Variants in CCDC3 observed in about 807,000 individuals in gnomAD.
The protein encoded by CCDC3 is coiled-coil domain containing 3.
A neutral mutation model predicts 21.4 loss-of-function variants in CCDC3; 24 were observed. That is an observed-to-expected ratio of 1.12 (90% CI 0.81 to 1.58). CCDC3 has a LOEUF of 1.58. Ranked by LOEUF, CCDC3 falls within the 40% of genes most tolerant of loss-of-function variation. CCDC3 has a pLI of 0.00. For missense variants in CCDC3, 425 were observed against 360.9 expected, an observed-to-expected ratio of 1.18 and a Z score of -1.44; for synonymous variants, 186 against 166.0, an observed-to-expected ratio of 1.12 and a Z score of -0.93.
At chr10:12,944,514 T>C (rs763252018) in intron 2 of CCDC3, among the ~76,000 whole-genome samples, 1 of 152,240 alleles carries the variant, frequency 6.6e-6, no homozygotes, top group African/African-American at 2.4e-5. Flanking sequence ...ATTTCATCTA[T>C]TGATTTATGT....
At chr10:12,914,087 T>C (rs1200762998) in intron 2 of CCDC3, among the ~76,000 whole-genome samples, 1 of 152,228 alleles carries the variant, frequency 6.6e-6, no homozygotes, top group Non-Finnish European at 1.5e-5. Context: ...ATCAGAGTGA[T>C]GCCATGTACG....
intron 3 of CCDC3, among the ~76,000 whole-genome samples, chr10:13,081,254 G>T (rs775050632): frequency 4.6e-5 from 7 of 151,288 alleles, no homozygotes; most frequent in South Asian, 2.1e-4. Flanking sequence ...CAGTTTCTCA[G>T]AAATTATATA....
chr10:12,954,161 T>C (rs1415596627), intron 2 of CCDC3, among the ~76,000 whole-genome samples: 1 of 152,240 alleles, frequency 6.6e-6, no homozygotes, highest in African/African-American at 2.4e-5. Context: ...AGCTACAGGC[T>C]ATAGTCTACT....
upstream of CCDC3, among the ~76,000 whole-genome samples, chr10:13,006,592 C>T (rs777770201): frequency 6.6e-6 from 1 of 152,172 alleles, no homozygotes; most frequent in Non-Finnish European, 1.5e-5. Flanking sequence ...GTTCTAGGAG[C>T]TTCTGCTTAG....
intron 2 of CCDC3, among the ~76,000 whole-genome samples, chr10:12,921,173 G>A (rs753676456): frequency 2.6e-5 from 4 of 152,126 alleles, no homozygotes; most frequent in South Asian, 2.1e-4. Flanking sequence ...TCTCTTTTGC[G>A]AGCAGTCTGG....
At chr10:13,063,907 G>A (rs866263953) in intron 4 of CCDC3, among the ~76,000 whole-genome samples, 2 of 151,960 alleles carry the variant, frequency 1.3e-5, no homozygotes, top group Non-Finnish European at 2.9e-5. Flanking sequence ...TTCTTAGTGT[G>A]AGTCGTTTTT....
intron 2 of CCDC3, among the ~76,000 whole-genome samples, chr10:12,915,506 G>A (rs913042071): frequency 7.2e-5 from 11 of 152,220 alleles, no homozygotes; most frequent in African/African-American, 2.4e-4. Context: ...TCAGTTACTG[G>A]TGCTTTATTT....
intron 2 of CCDC3, among the ~76,000 whole-genome samples, chr10:12,972,902 T>C (rs1350859253): frequency 6.6e-6 from 1 of 152,208 alleles, no homozygotes; most frequent in African/African-American, 2.4e-5. Flanking sequence ...AGTGATGTAG[T>C]AGAAAGAACT....
chr10:12,905,454 A>G (rs1834155005), intron 2 of CCDC3, among the ~76,000 whole-genome samples: 1 of 152,202 alleles, frequency 6.6e-6, no homozygotes, highest in Admixed American at 6.5e-5. Context: ...ATGGGTTTGG[A>G]GGGCAGCTGG....
chr10:13,004,581 T>A (rs1442009589), upstream of CCDC3, among the ~76,000 whole-genome samples: 1 of 109,740 alleles, frequency 9.1e-6, no homozygotes, highest in Non-Finnish European at 1.7e-5. Context: ...CACCCCAAGA[T>A]GGAAAAGGTC....
chr10:12,959,411 A>G (rs189021990), intron 2 of CCDC3, among the ~76,000 whole-genome samples: 1 of 152,176 alleles, frequency 6.6e-6, no homozygotes, highest in Non-Finnish European at 1.5e-5. Flanking sequence ...CAGGGGATCC[A>G]CCTGCCTCGG....
chr10:12,956,980 T>C (rs981568548), intron 2 of CCDC3, among the ~76,000 whole-genome samples: 2 of 152,252 alleles, frequency 1.3e-5, no homozygotes, highest in Non-Finnish European at 2.9e-5. Flanking sequence ...AAGCTAATTA[T>C]AAATCCTTTC....
At chr10:12,937,492 C>G (rs1462836516) in intron 2 of CCDC3, among the ~76,000 whole-genome samples, 1 of 152,108 alleles carries the variant, frequency 6.6e-6, no homozygotes, top group Non-Finnish European at 1.5e-5. Flanking sequence ...GACAGGGTCT[C>G]AACTCTGTCA....
intron 2 of CCDC3, among the ~76,000 whole-genome samples, chr10:12,907,125 C>T (rs767550292): frequency 1.3e-5 from 2 of 152,202 alleles, no homozygotes; most frequent in Non-Finnish European, 2.9e-5. Context: ...GCCTGACTCT[C>T]TCCCAGACTG....
intron 2 of CCDC3, among the ~76,000 whole-genome samples, chr10:12,907,253 A>G (rs1339066424): frequency 6.6e-6 from 1 of 152,208 alleles, no homozygotes; most frequent in Non-Finnish European, 1.5e-5. Context: ...GTCATTTTCA[A>G]TGACTCGAAA....
intron 4 of CCDC3, among the ~76,000 whole-genome samples, chr10:13,065,589 A>G (rs1292686758): frequency 1.3e-5 from 2 of 152,190 alleles, no homozygotes; most frequent in African/African-American, 4.8e-5. Flanking sequence ...TACGATATGA[A>G]GCTAATGCTG....
intron 5 of CCDC3, among the ~76,000 whole-genome samples, chr10:13,017,388 G>A (rs1272488879): frequency 2.0e-5 from 3 of 151,540 alleles, no homozygotes; most frequent in Non-Finnish European, 4.4e-5. Flanking sequence ...GTGGTGGCGG[G>A]TGCCTGTAGT....
At chr10:13,031,030 A>G (rs1836293359) in intron 5 of CCDC3, among the ~76,000 whole-genome samples, 2 of 152,208 alleles carry the variant, frequency 1.3e-5, no homozygotes, top group Non-Finnish European at 2.9e-5. Context: ...ACCCCAAATC[A>G]ACAGAATATA....
intron 2 of CCDC3, among the ~76,000 whole-genome samples, chr10:12,987,309 A>C (rs537966728): frequency 1.3e-5 from 2 of 152,336 alleles, no homozygotes; most frequent in East Asian, 1.9e-4. Context: ...CACAGTGCTA[A>C]GCACGTAGGA....
Sources: gnomAD v4.1 joint callset for allele counts (sites outside exome capture counted in the v4.1 genomes callset) on GRCh38, gnomAD v4.1.1 for gene constraint, MANE v1.5 for transcripts, NCBI Gene and HGNC (gene_info 2026-07-23, HGNC 2026-07-21) for gene names.